Variants in NID1 observed in about 807,000 individuals in gnomAD.
NID1 encodes the protein nidogen 1.
NID1 carries 76 observed loss-of-function variants against 130.6 expected under a neutral mutation model. The observed-to-expected ratio is 0.58, with a 90% CI of 0.48 to 0.70. NID1 has a LOEUF of 0.70. Ranked by LOEUF, NID1 falls within the 30% of genes least tolerant of loss-of-function variation. The pLI, the probability that NID1 is intolerant of heterozygous loss-of-function variation, is 0.00. For synonymous variants in NID1, 665 were observed against 675.1 expected (o/e 0.98, Z 0.23); for missense variants, 1,517 against 1,664.8 (o/e 0.91, Z 1.54).
chr1:236,004,023 ACT>A (rs1658163201), intron 12 of NID1, among the ~76,000 whole-genome samples: 1 of 118,848 alleles, frequency 8.4e-6, no homozygotes, highest in African/African-American at 3.3e-5. Context: ...ACAGAGTGAG[ACT>A]CTGTCTCAAA....
At chr1:236,034,766 A>G (rs1659204318) in intron 5 of NID1, among the ~76,000 whole-genome samples, 1 of 152,220 alleles carries the variant, frequency 6.6e-6, no homozygotes, top group African/African-American at 2.4e-5. Context: ...ACCAAATTGT[A>G]TACTTTAAAA....
chr1:236,050,865 G>T (rs1659746486), intron 1 of NID1, among the ~76,000 whole-genome samples: 1 of 152,170 alleles, frequency 6.6e-6, no homozygotes, highest in Non-Finnish European at 1.5e-5. Flanking sequence ...ATCATTTGAG[G>T]CCAGGAGTTC....
chr1:236,030,217 C>T (rs563175115), intron 6 of NID1, among the ~76,000 whole-genome samples: 1 of 152,288 alleles, frequency 6.6e-6, no homozygotes, highest in South Asian at 2.1e-4. Flanking sequence ...GTGAGTTGCT[C>T]GTGGCAAACC....
intron 10 of NID1, among the ~76,000 whole-genome samples, chr1:236,015,305 C>T (rs1300420783): frequency 3.9e-5 from 6 of 152,162 alleles, no homozygotes; most frequent in Admixed American, 1.3e-4. Context: ...CTTCTCTCTG[C>T]GCAGTGAGTC....
At chr1:236,024,422 C>T (rs557019329) in intron 8 of NID1, among the ~76,000 whole-genome samples, 2 of 152,382 alleles carry the variant, frequency 1.3e-5, no homozygotes, top group Admixed American at 6.5e-5. Context: ...TTATTAGCAA[C>T]CAGCAACGTC....
chr1:235,978,947 C>A (rs1186513377), intron 19 of NID1, 48 bp downstream of exon 19: 9 of 1,305,504 alleles, frequency 6.9e-6, no homozygotes, highest in Middle Eastern at 1.8e-4. Flanking sequence ...GGGCTCTGAG[C>A]CTCCATGTGC....
intron 12 of NID1, among the ~76,000 whole-genome samples, chr1:235,994,350 C>T (rs1269407619): frequency 6.6e-6 from 1 of 152,144 alleles, no homozygotes; most frequent in Non-Finnish European, 1.5e-5. Flanking sequence ...TTAGTAGAGA[C>T]AGGGTTTCAC....
chr1:235,985,640 T>G (rs1042929859), intron 14 of NID1, 135 bp from the exon 15 acceptor site: 1 of 1,040,456 alleles, frequency 9.6e-7, no homozygotes, highest in Non-Finnish European at 1.4e-6. Context: ...AAAATTTTTA[T>G]TATTGAGTTG....
intron 8 of NID1, among the ~76,000 whole-genome samples, chr1:236,024,495 A>G (rs1010295972): frequency 6.6e-6 from 1 of 152,248 alleles, no homozygotes; most frequent in Non-Finnish European, 1.5e-5. Flanking sequence ...ACATGTCGTG[A>G]TAGAGACTGT....
chr1:236,060,422 C>G (rs1258660397), intron 1 of NID1, among the ~76,000 whole-genome samples: 1 of 152,108 alleles, frequency 6.6e-6, no homozygotes, highest in Admixed American at 6.6e-5. Flanking sequence ...TTGTGCTGAC[C>G]TCCTATCTCA....
intron 1 of NID1, among the ~76,000 whole-genome samples, chr1:236,054,939 G>A (rs953598974): frequency 6.6e-6 from 1 of 152,054 alleles, no homozygotes; most frequent in African/African-American, 2.4e-5. Flanking sequence ...ACTGTGCTCG[G>A]CCTAAAGAGT....
rs1229401623 is a variant in NID1 at position 235,980,503 on chromosome 1, C to G, written c.3378G>C (p.Val1126=). 6.2e-7 allele frequency: 1 copy of G among 1,614,086 alleles called. No homozygotes were observed. Among genetic ancestry groups the G allele is most frequent in the Non-Finnish European group, 8.5e-7 (1 of 1,179,980 alleles). Residue 1126 remains valine, a synonymous_variant, in exon 17 of 20, where the codon GTG becomes GTC. Coordinates refer to ENST00000264187, the MANE Select transcript of NID1 (RefSeq NM_002508.3). ...FDAFSSQLCW[V]DAGTNRAECL... ...TGTCCAGCTTTCCATCACCTGCATC[C>G]ACCCAGCAGAGCTGAGATGAGAACG... is the stretch of plus-strand genomic sequence containing the variant.
chr1:236,014,206 C>T (rs940283491), intron 10 of NID1, among the ~76,000 whole-genome samples: 1 of 134,932 alleles, frequency 7.4e-6, no homozygotes, highest in Non-Finnish European at 1.7e-5. Flanking sequence ...TATGTTCTTC[C>T]CCCCACCCCC....
At position 236,032,457 on chromosome 1, in the gene NID1, A is replaced by G. The variant is rs375660704; in HGVS notation, c.1481T>C (p.Ile494Thr). The G allele has an allele frequency of 2.2e-5, 35 of 1,613,962 alleles. No individual in the cohort carries two copies. Among genetic ancestry groups the G allele is most frequent in the Non-Finnish European group, 2.9e-5 (34 of 1,180,016 alleles). The change falls in exon 6 of 20, where the codon ATT (isoleucine) becomes ACT (threonine). Residue 494 changes from isoleucine (I) to threonine (T), a missense_variant. Coordinates refer to ENST00000264187, the MANE Select transcript of NID1 (RefSeq NM_002508.3). ...CTGCTCCACTGCAAACATCCATCCA[A>G]TGATGCCTCCAACTGGGGCCAGTGG... ...LLPLAPVGGIIGWMFAVEQDG... is the reference protein window; with the variant it reads ...LLPLAPVGGITGWMFAVEQDG...
intron 9 of NID1, among the ~76,000 whole-genome samples, chr1:236,021,778 C>G (rs938446758): frequency 6.6e-6 from 1 of 152,184 alleles, no homozygotes; most frequent in Non-Finnish European, 1.5e-5. Context: ...CAGCACTGCT[C>G]GAAGCACTTG....
At chr1:236,052,767 A>G (rs1659797051) in intron 1 of NID1, among the ~76,000 whole-genome samples, 1 of 152,140 alleles carries the variant, frequency 6.6e-6, no homozygotes, top group Non-Finnish European at 1.5e-5. Flanking sequence ...ACTGTGAGTG[A>G]GTGTGGGTGT....
At chr1:236,034,311 A>G (rs1659185651) in intron 5 of NID1, among the ~76,000 whole-genome samples, 1 of 151,746 alleles carries the variant, frequency 6.6e-6, no homozygotes, top group Non-Finnish European at 1.5e-5. Flanking sequence ...AATCCTAGCT[A>G]CTCAGGAGGC....
In NID1 at chr1:235,977,416, C is replaced by A; in HGVS notation, c.*451G>T. On this transcript the variant is annotated 3_prime_UTR_variant, in exon 20 of 20. Transcript: ENST00000264187. Reference sequence around the variant, plus strand: ...GGAATGCTAATTTCCTCCTTAACTCCCAACTTTTCCTAGTCAGGCCCCGGC... The same window carrying A: ...GGAATGCTAATTTCCTCCTTAACTCACAACTTTTCCTAGTCAGGCCCCGGC... 6.4e-6 allele frequency: 1 copy of A among 157,234 alleles called. No homozygotes were observed. Among genetic ancestry groups the A allele is most frequent in the Non-Finnish European group, 1.4e-5 (1 of 70,822 alleles). The allele number at this position is 157,234 out of a possible 1,614,324, so 9.7% of individuals were successfully genotyped here.
chr1:235,993,821 G>A lies in NID1; in HGVS notation c.2579C>T (p.Ala860Val). ...GGGTCGCTGTGGGTCTGTCGCCCCC[G>A]CTGCCCCGAGAATGTGTTCTCGCTC... ...QHEREHILGA[A>V]GATDPQRPIP... Residue 860 changes from alanine to valine, a missense_variant, in exon 13 of 20, where the codon GCG becomes GTG. Coordinates refer to ENST00000264187, the MANE Select transcript of NID1 (RefSeq NM_002508.3). The A allele has an allele frequency of 6.2e-7, 1 of 1,614,042 alleles. No individual in the cohort carries two copies. Among genetic ancestry groups the A allele is most frequent in the Non-Finnish European group, 8.5e-7 (1 of 1,179,950 alleles).
Sources: allele counts gnomAD v4.1 joint callset (sites outside exome capture counted in the v4.1 genomes callset), GRCh38; gene constraint gnomAD v4.1.1; transcripts MANE v1.5; gene names NCBI Gene and HGNC (gene_info 2026-07-23, HGNC 2026-07-21).